The following TCF7L2 variants were observed in gnomAD, a reference collection of about 807,000 sequenced individuals.
TCF7L2 encodes the protein transcription factor 7 like 2.
Under a neutral mutation model 77.9 loss-of-function variants are expected in TCF7L2, and 23 were observed. That is an observed-to-expected ratio of 0.30 (90% CI 0.21 to 0.42). TCF7L2 has a LOEUF of 0.42. Ranked by LOEUF, TCF7L2 falls within the 10% of genes least tolerant of loss-of-function variation. TCF7L2 has a pLI of 1.00. For missense variants in TCF7L2, 654 were observed against 793.1 expected (o/e 0.82, Z 2.11); for synonymous variants, 413 against 340.2 (o/e 1.21, Z -2.36).
chr10:112,991,973 A>G (rs2042636492), intron 4 of TCF7L2, among the ~76,000 whole-genome samples: 2 of 152,230 alleles, frequency 1.3e-5, no homozygotes, highest in Non-Finnish European at 2.9e-5. Context: ...GCCAGGCTGC[A>G]TATAGACCTC....
At chr10:113,014,781 A>G (rs2047060102) in intron 4 of TCF7L2, among the ~76,000 whole-genome samples, 1 of 151,638 alleles carries the variant, frequency 6.6e-6, no homozygotes, top group Non-Finnish European at 1.5e-5. Flanking sequence ...GCGAGACTTC[A>G]TCTCACAAAA....
At chr10:112,985,533 T>C (rs1006388729) in intron 4 of TCF7L2, among the ~76,000 whole-genome samples, 3 of 152,210 alleles carry the variant, frequency 2.0e-5, no homozygotes, top group African/African-American at 7.2e-5. Context: ...ATGCCTGTCT[T>C]TTTTCATTGT....
chr10:113,000,142 A>G (rs144466171), intron 4 of TCF7L2, among the ~76,000 whole-genome samples: 1 of 152,352 alleles, frequency 6.6e-6, no homozygotes, highest in African/African-American at 2.4e-5. Flanking sequence ...GTGGGACCGA[A>G]TAATGCAACC....
In TCF7L2 at chr10:113,055,286, T is replaced by C. The variant is rs140174371; in HGVS notation, c.552+15160T>C. On this transcript the variant is annotated intron_variant, in intron 5 of 13. Transcript: ENST00000627217. ...TCCTCATAATCACACCAATGCTTGATCCTGTTGGACTTAAAATTTTTGCCA... is the reference window on the plus strand; with the variant it reads ...TCCTCATAATCACACCAATGCTTGACCCTGTTGGACTTAAAATTTTTGCCA... 2.0e-5 allele frequency among the ~76,000 whole-genome samples: 3 copies of C among 152,332 alleles called. No individual in the cohort carries two copies. The East Asian group carries it at 5.8e-4, about 29-fold the overall frequency.
chr10:113,107,152 A>G (rs1335057095), intron 5 of TCF7L2, among the ~76,000 whole-genome samples: 4 of 152,154 alleles, frequency 2.6e-5, no homozygotes, highest in African/African-American at 9.7e-5. Flanking sequence ...ATGTAATGTT[A>G]AACTGGGCCT....
chr10:113,019,388 G>GT (rs1473027696), intron 4 of TCF7L2, among the ~76,000 whole-genome samples: 5 of 152,166 alleles, frequency 3.3e-5, no homozygotes, highest in Non-Finnish European at 5.9e-5. Flanking sequence ...ACTAATGGTT[G>GT]TGGGGGGGTG....
At chr10:112,964,364 A>G (rs1181138555) in intron 3 of TCF7L2, among the ~76,000 whole-genome samples, 192 bp from the exon 4 acceptor site, 3 of 151,986 alleles carry the variant, frequency 2.0e-5, no homozygotes, top group Admixed American at 2.0e-4. Context: ...AAAAACAAAA[A>G]CAAAAAAACT....
chr10:113,161,098 C>T (rs2073093798), intron 13 of TCF7L2: 3 of 243,040 alleles, frequency 1.2e-5, no homozygotes. Flanking sequence ...CATTCCCGTG[C>T]ACTTAGAGTC....
At chr10:113,051,238 CACACAG>C (rs1335355375) in intron 5 of TCF7L2, among the ~76,000 whole-genome samples, 117 of 143,160 alleles carry the variant, frequency 8.2e-4, no homozygotes, top group Admixed American at 4.9e-3. Context: ...CACACACACA[CACACAG>C]ACACATACAT....
chr10:113,127,696 C>A (rs2065879717), intron 5 of TCF7L2, among the ~76,000 whole-genome samples: 1 of 151,814 alleles, frequency 6.6e-6, no homozygotes, highest in African/African-American at 2.4e-5. Context: ...GTACTTCTGA[C>A]AAACTGGGGG....
chr10:112,965,001 C>T (rs2036406707), intron 4 of TCF7L2, among the ~76,000 whole-genome samples: 2 of 151,954 alleles, frequency 1.3e-5, no homozygotes, highest in Admixed American at 1.3e-4. Context: ...AGGGAGGGAT[C>T]TTGAATTGGG....
intron 4 of TCF7L2, among the ~76,000 whole-genome samples, chr10:113,014,495 C>T (rs1035313823): frequency 6.6e-6 from 1 of 152,160 alleles, no homozygotes; most frequent in African/African-American, 2.4e-5. Context: ...ATCCTCCATC[C>T]TAAAAGGAGT....
chr10:113,052,138 A>G (rs2054578441), intron 5 of TCF7L2, among the ~76,000 whole-genome samples: 1 of 152,194 alleles, frequency 6.6e-6, no homozygotes, highest in Non-Finnish European at 1.5e-5. Flanking sequence ...TTTAAGACAC[A>G]TAGAAATTGT....
intron 5 of TCF7L2, among the ~76,000 whole-genome samples, chr10:113,086,244 C>T (rs1342847901): frequency 6.6e-6 from 1 of 152,180 alleles, no homozygotes; most frequent in Non-Finnish European, 1.5e-5. Context: ...GTGAGGACTG[C>T]TTGAGTCTAA....
chr10:113,025,223 T>A (rs1164168012), intron 4 of TCF7L2, among the ~76,000 whole-genome samples: 2 of 148,506 alleles, frequency 1.3e-5, no homozygotes, highest in Non-Finnish European at 3.0e-5. Context: ...ACTGGATTTT[T>A]TTTTTTTTTT....
At chr10:113,028,713 G>A (rs1202197889) in intron 4 of TCF7L2, among the ~76,000 whole-genome samples, 1 of 152,166 alleles carries the variant, frequency 6.6e-6, no homozygotes, top group Non-Finnish European at 1.5e-5. Flanking sequence ...GTTGTGGAAT[G>A]GGGGAAAGAA....
intron 4 of TCF7L2, among the ~76,000 whole-genome samples, chr10:112,982,971 G>T (rs554764204): frequency 9.2e-5 from 14 of 152,222 alleles, no homozygotes; most frequent in African/African-American, 2.9e-4. Context: ...TCCATGTTGT[G>T]ATATCATTTG....
chr10:113,137,253 C>G (rs896031590), intron 5 of TCF7L2, among the ~76,000 whole-genome samples: 2 of 152,132 alleles, frequency 1.3e-5, no homozygotes, highest in Non-Finnish European at 2.9e-5. Context: ...TGTGTATCCC[C>G]CCTGCTCCGT....
chr10:113,148,220 G>T (rs1051993239), intron 8 of TCF7L2, among the ~76,000 whole-genome samples: 1 of 152,140 alleles, frequency 6.6e-6, no homozygotes, highest in South Asian at 2.1e-4. Context: ...GTGCCACCCT[G>T]TGACCCCCTT....
Sources: gnomAD v4.1 joint callset for allele counts (sites outside exome capture counted in the v4.1 genomes callset) on GRCh38, gnomAD v4.1.1 for gene constraint, MANE v1.5 for transcripts, NCBI Gene and HGNC (gene_info 2026-07-23, HGNC 2026-07-21) for gene names.